Variants in TGFBRAP1 observed in about 807,000 individuals in gnomAD.
TGFBRAP1 encodes the protein transforming growth factor-beta receptor-associated protein 1.
A neutral mutation model predicts 83.2 loss-of-function variants in TGFBRAP1; 20 were observed. The ratio of observed to expected loss-of-function variants is 0.24; its 90% CI spans 0.17 to 0.35. TGFBRAP1 has a LOEUF of 0.35. Ranked by LOEUF, TGFBRAP1 falls within the 10% of genes least tolerant of loss-of-function variation. TGFBRAP1 has a pLI of 1.00. For missense variants in TGFBRAP1, 950 were observed against 1,099.4 expected (o/e 0.86, Z 1.92); for synonymous variants, 415 against 459.8 (o/e 0.90, Z 1.25).
At chr2:105,251,047 C>T in the TGFBRAP1 span, among the ~76,000 whole-genome samples, 2 of 152,180 alleles carry the variant, frequency 1.3e-5, no homozygotes, top group African/African-American at 4.8e-5. Flanking sequence ...CCCAAAGTGC[C>T]GAGATTGCAG....
intron 3 of TGFBRAP1, among the ~76,000 whole-genome samples, chr2:105,298,236 GGAA>G (rs1678148599): frequency 6.6e-6 from 1 of 152,074 alleles, no homozygotes; most frequent in South Asian, 2.1e-4. Context: ...ACCTCCTTCA[GGAA>G]GCCCTCCCTG....
chr2:105,326,620 A>G (rs578229483), intron 1 of TGFBRAP1, among the ~76,000 whole-genome samples: 1 of 152,286 alleles, frequency 6.6e-6, no homozygotes, highest in South Asian at 2.1e-4. Flanking sequence ...TTGGGAGGCT[A>G]AAGTGGAAGG....
chr2:105,258,667 G>A, the TGFBRAP1 span, among the ~76,000 whole-genome samples: 28 of 151,188 alleles, frequency 1.9e-4, no homozygotes, highest in Middle Eastern at 6.8e-3. Context: ...CTCCAGAATG[G>A]CCTGAACCAA....
the TGFBRAP1 span, among the ~76,000 whole-genome samples, chr2:105,256,877 A>G: frequency 6.6e-6 from 1 of 152,208 alleles, no homozygotes; most frequent in Admixed American, 6.5e-5. Context: ...AAGCAGCTAA[A>G]TCTCACGAAA....
chr2:105,261,597 C>T (rs1182489935), downstream of TGFBRAP1, among the ~76,000 whole-genome samples: 1 of 151,972 alleles, frequency 6.6e-6, no homozygotes, highest in East Asian at 1.9e-4. Context: ...ACTAAAAATA[C>T]AAAAATTAGC....
At chr2:105,311,151 A>C (rs903775936) in intron 1 of TGFBRAP1, among the ~76,000 whole-genome samples, 3 of 144,156 alleles carry the variant, frequency 2.1e-5, no homozygotes, top group African/African-American at 7.4e-5. Flanking sequence ...GCTGTAAAAA[A>C]AAAAAAAAAA....
chr2:105,280,599 C>T lies in TGFBRAP1; in HGVS notation c.1246G>A (p.Gly416Arg). 3 of 1,614,084 alleles carry T rather than the reference C, an allele frequency of 1.9e-6. No individual in the cohort carries two copies. The highest frequency in any genetic ancestry group is 2.5e-6 in the Non-Finnish European group (3 of 1,180,030). ...EYADLNQLTQ[G>R]DQEKMAKCKR... ...CACTTGGCCATCTTCTCCTGGTCCCCCTGGGTCAGCTGGTTCAGGTCTGCG... is the reference window on the plus strand; with the variant it reads ...CACTTGGCCATCTTCTCCTGGTCCCTCTGGGTCAGCTGGTTCAGGTCTGCG... The change falls in exon 6 of 12, where the codon GGG becomes AGG. Residue 416 changes from glycine (G) to arginine (R), a missense_variant. Physicochemically the swap from Gly to Arg is moderately radical, Grantham distance 125. Transcript: ENST00000393359.
intron 1 of TGFBRAP1, among the ~76,000 whole-genome samples, chr2:105,315,347 A>C (rs1285428950): frequency 6.6e-6 from 1 of 152,164 alleles, no homozygotes; most frequent in Non-Finnish European, 1.5e-5. Context: ...GAAAATGAAG[A>C]ACAAAACTGA....
At chr2:105,284,779 C>T (rs1677658864) in intron 4 of TGFBRAP1, among the ~76,000 whole-genome samples, 1 of 152,172 alleles carries the variant, frequency 6.6e-6, no homozygotes, top group Admixed American at 6.5e-5. Context: ...GAGCATCCCT[C>T]AGAGCACAGG....
intron 1 of TGFBRAP1, among the ~76,000 whole-genome samples, chr2:105,315,336 T>C (rs1678821100): frequency 6.6e-6 from 1 of 152,172 alleles, no homozygotes. Flanking sequence ...AAAACAGTCT[T>C]GAAAATGAAG....
chr2:105,251,525 GA>G, the TGFBRAP1 span, among the ~76,000 whole-genome samples: 2 of 147,928 alleles, frequency 1.4e-5, no homozygotes, highest in African/African-American at 5.0e-5. Flanking sequence ...GGTGGGGGGG[GA>G]TCAGCCCCCC....
At chr2:105,321,581 TA>T (rs1280445495) in intron 1 of TGFBRAP1, among the ~76,000 whole-genome samples, 4 of 152,234 alleles carry the variant, frequency 2.6e-5, no homozygotes, top group African/African-American at 9.7e-5. Flanking sequence ...ACATATCTAC[TA>T]AGACCATGAA....
At chr2:105,306,061 G>GT (rs67017916) in intron 2 of TGFBRAP1, among the ~76,000 whole-genome samples, 768 of 74,830 alleles carry the variant, frequency 0.01, 15 homozygotes, top group African/African-American at 0.032. Flanking sequence ...TTTGTTTTTT[G>GT]TTTTTTGTTT....
At chr2:105,314,810 C>T (rs1175119164) in intron 1 of TGFBRAP1, among the ~76,000 whole-genome samples, 3 of 151,360 alleles carry the variant, frequency 2.0e-5, no homozygotes, top group East Asian at 2.0e-4. Flanking sequence ...ATTAGCCAGG[C>T]GTGGTGGCAG....
At chr2:105,273,145 G>T in intron 9 of TGFBRAP1, 131 bp from the exon 10 acceptor site, 1 of 1,148,664 alleles carries the variant, frequency 8.7e-7, no homozygotes, top group Non-Finnish European at 1.2e-6. Flanking sequence ...TCACTTGCTG[G>T]ATCGAAACCC....
chr2:105,277,710 T>TCAG (rs1558631909), intron 6 of TGFBRAP1, 39 bp from the exon 7 acceptor site: 2 of 1,605,822 alleles, frequency 1.2e-6, no homozygotes, highest in Admixed American at 3.3e-5. Flanking sequence ...CCTCTCCCCA[T>TCAG]CAGCTCCTGG....
intron 9 of TGFBRAP1, among the ~76,000 whole-genome samples, chr2:105,273,307 A>G (rs1677224085): frequency 6.6e-6 from 1 of 152,196 alleles, no homozygotes; most frequent in African/African-American, 2.4e-5. Flanking sequence ...ATAACAAAGA[A>G]GGAAAAGAGA....
chr2:105,300,423 T>TA (rs1406956135), intron 2 of TGFBRAP1, among the ~76,000 whole-genome samples: 1 of 149,496 alleles, frequency 6.7e-6, no homozygotes, highest in Non-Finnish European at 1.5e-5. Flanking sequence ...CATAGGATAA[T>TA]GGAGTAAAAT....
intron 4 of TGFBRAP1, among the ~76,000 whole-genome samples, chr2:105,287,768 T>C (rs1360112425): frequency 6.6e-6 from 1 of 152,108 alleles, no homozygotes; most frequent in Non-Finnish European, 1.5e-5. Flanking sequence ...CTTTAACTTT[T>C]TCCATCACCT....
Sources: gnomAD v4.1 joint callset for allele counts (sites outside exome capture counted in the v4.1 genomes callset) on GRCh38, gnomAD v4.1.1 for gene constraint, MANE v1.5 for transcripts, NCBI Gene and HGNC (gene_info 2026-07-23, HGNC 2026-07-21) for gene names.